The following RBM47 variants were observed in gnomAD, a reference collection of about 807,000 sequenced individuals.
RBM47 encodes the protein RNA-binding protein 47.
A neutral mutation model predicts 47.1 loss-of-function variants in RBM47; 21 were observed. The observed-to-expected ratio is 0.45, with a 90% CI of 0.32 to 0.64. The LOEUF (loss-of-function observed/expected upper bound fraction) is 0.64, where lower values mean the gene tolerates loss of function less well. RBM47 is among the 30% of genes least tolerant of loss of function. RBM47 has a pLI of 0.05. For missense variants in RBM47, 708 were observed against 870.9 expected, an observed-to-expected ratio of 0.81 and a Z score of 2.35; for synonymous variants, 375 against 361.7, an observed-to-expected ratio of 1.04 and a Z score of -0.42.
Position 40,431,826 on chromosome 4 carries a change from TG to T in RBM47, c.1542+824del, listed in dbSNP as rs1247840562. ...ATAGGGGAACAGTGGGAGATATGGT[TG>T]GAAGAGAGGATTATGGGCATATTTT... On this transcript the variant is annotated intron_variant, in intron 6 of 6. Transcript: ENST00000295971. 8.6e-5 allele frequency among the ~76,000 whole-genome samples: 13 copies of T among 152,014 alleles called. No individual in the cohort carries two copies. The South Asian group carries it at 1.0e-3, about 12-fold the overall frequency.
In RBM47 at chr4:40,437,806, G is replaced by A. The variant is rs1253420928; in HGVS notation, c.1088C>T (p.Ala363Val). The A allele has an allele frequency of 3.1e-6, 5 of 1,609,740 alleles. No individual in the cohort carries two copies. The highest frequency in any genetic ancestry group is 3.4e-6 in the Non-Finnish European group (4 of 1,176,470). The change falls in exon 4 of 7, where the codon GCG becomes GTG. Residue 363 changes from alanine to valine, a missense_variant. Transcript: ENST00000295971. The part of the protein sequence containing the change: ...TLAYYGYPYN[A>V]LIGPNRDYFV... The stretch of plus-strand genomic sequence containing the variant: ...GTAGTCCCTGTTGGGCCCAATGAGC[G>A]CGTTGTAGGGGTAGCCGTAGTAGGC...
chr4:40,548,249 A>G (rs1729209331), intron 1 of RBM47, among the ~76,000 whole-genome samples: 1 of 152,226 alleles, frequency 6.6e-6, no homozygotes, highest in East Asian at 1.9e-4. Flanking sequence ...TTTTCCAGAC[A>G]GAACAGTCAG....
intron 2 of RBM47, among the ~76,000 whole-genome samples, chr4:40,469,431 T>C (rs1010229111): frequency 1.5e-5 from 2 of 130,036 alleles, no homozygotes; most frequent in African/African-American, 2.9e-5. Flanking sequence ...ATCCATTCCA[T>C]AATTTTTTTT....
At chr4:40,469,795 G>A (rs13122413) in intron 2 of RBM47, among the ~76,000 whole-genome samples, 44,818 of 151,714 alleles carry the variant, frequency 0.3, 7,472 homozygotes, top group Middle Eastern at 0.38. Flanking sequence ...ACAAAACTAC[G>A]TGAGACATTT....
chr4:40,517,964 A>C (rs899214861), intron 2 of RBM47, among the ~76,000 whole-genome samples: 1 of 152,118 alleles, frequency 6.6e-6, no homozygotes, highest in Admixed American at 6.5e-5. Context: ...CCTGCAACCA[A>C]TTCCCCATGG....
intron 1 of RBM47, among the ~76,000 whole-genome samples, chr4:40,586,448 G>T (rs1733593631): frequency 6.6e-6 from 1 of 151,822 alleles, no homozygotes; most frequent in South Asian, 2.1e-4. Context: ...AAGCAGGCAT[G>T]TTGGAGGGTG....
chr4:40,528,942 CAAAA>C (rs201660719), intron 2 of RBM47, among the ~76,000 whole-genome samples: 4 of 140,654 alleles, frequency 2.8e-5, no homozygotes, highest in East Asian at 2.1e-4. Flanking sequence ...GACTCCGTCT[CAAAA>C]AAAAAATAAA....
At chr4:40,529,834 T>C (rs1476692546) in intron 2 of RBM47, among the ~76,000 whole-genome samples, 1 of 137,336 alleles carries the variant, frequency 7.3e-6, no homozygotes, top group Admixed American at 7.4e-5. Context: ...ATCTAAAAAA[T>C]AATAAATAAA....
chr4:40,594,536 C>T (rs956214033), intron 1 of RBM47, among the ~76,000 whole-genome samples: 9 of 152,104 alleles, frequency 5.9e-5, no homozygotes, highest in African/African-American at 1.7e-4. Flanking sequence ...TTCAAGGCCT[C>T]GCCTAACCGG....
intron 2 of RBM47, among the ~76,000 whole-genome samples, chr4:40,470,072 G>C (rs1286323613): frequency 1.3e-5 from 2 of 152,164 alleles, no homozygotes; most frequent in Admixed American, 6.5e-5. Flanking sequence ...GTTAGTTCCA[G>C]TCCAAACCTT....
chr4:40,477,606 G>A (rs1218343359), intron 2 of RBM47, among the ~76,000 whole-genome samples: 1 of 152,200 alleles, frequency 6.6e-6, no homozygotes, highest in Non-Finnish European at 1.5e-5. Flanking sequence ...GAGGTTTGGT[G>A]TGAGTGTGTG....
intron 3 of RBM47, among the ~76,000 whole-genome samples, chr4:40,464,581 A>G (rs1157537784): frequency 6.6e-6 from 1 of 152,102 alleles, no homozygotes; most frequent in African/African-American, 2.4e-5. Context: ...GAAACTGCAG[A>G]TGGGGGCTGA....
intron 2 of RBM47, among the ~76,000 whole-genome samples, chr4:40,530,354 A>AGT (rs1949347191): frequency 1.3e-5 from 2 of 152,068 alleles, no homozygotes; most frequent in South Asian, 4.2e-4. Flanking sequence ...CCCAGGCTGT[A>AGT]GTGCAGTGGT....
intron 1 of RBM47, among the ~76,000 whole-genome samples, chr4:40,544,861 A>G (rs1351015509): frequency 6.6e-6 from 1 of 152,026 alleles, no homozygotes; most frequent in Non-Finnish European, 1.5e-5. Flanking sequence ...CTTTAAGCCC[A>G]GGAATTTGAG....
intron 1 of RBM47, among the ~76,000 whole-genome samples, chr4:40,613,165 T>C (rs1467505497): frequency 6.6e-6 from 1 of 152,206 alleles, no homozygotes; most frequent in Non-Finnish European, 1.5e-5. Flanking sequence ...CACTGTACAA[T>C]GATTTTTATT....
chr4:40,597,176 C>G (rs773755459), intron 1 of RBM47, among the ~76,000 whole-genome samples: 1 of 152,148 alleles, frequency 6.6e-6, no homozygotes, highest in Non-Finnish European at 1.5e-5. Context: ...AGGAGAATCA[C>G]TTGAACCCAG....
intron 3 of RBM47, among the ~76,000 whole-genome samples, chr4:40,449,330 G>C (rs1197379908): frequency 6.6e-6 from 1 of 152,150 alleles, no homozygotes; most frequent in Non-Finnish European, 1.5e-5. Flanking sequence ...AGATACAAGG[G>C]AATAATGACA....
chr4:40,585,002 T>A (rs1210742795), intron 1 of RBM47, among the ~76,000 whole-genome samples: 1 of 152,210 alleles, frequency 6.6e-6, no homozygotes, highest in African/African-American at 2.4e-5. Flanking sequence ...TCCACTAAAG[T>A]TGCACAACCT....
At chr4:40,521,807 C>T (rs1051387264) in intron 2 of RBM47, among the ~76,000 whole-genome samples, 5 of 152,118 alleles carry the variant, frequency 3.3e-5, no homozygotes, top group Non-Finnish European at 7.3e-5. Flanking sequence ...TATGGGGGAA[C>T]CTGGCTAACT....
Sources: gnomAD v4.1 joint callset for allele counts (sites outside exome capture counted in the v4.1 genomes callset) on GRCh38, gnomAD v4.1.1 for gene constraint, MANE v1.5 for transcripts, NCBI Gene and HGNC (gene_info 2026-07-23, HGNC 2026-07-21) for gene names.